Variants in GGNBP2 observed in about 807,000 individuals in gnomAD.
The protein encoded by GGNBP2 is gametogenetin-binding protein 2.
A neutral mutation model predicts 85.9 loss-of-function variants in GGNBP2; 10 were observed. The observed-to-expected ratio is 0.12, with a 90% confidence interval of 0.07 to 0.20. The LOEUF is 0.20. GGNBP2 is among the 10% of genes least tolerant of loss of function. The probability of loss-of-function intolerance (pLI) is 1.00; values close to 1 mark genes in which losing one functional copy is unlikely to be tolerated. For missense variants in GGNBP2, 595 were observed against 857.8 expected (o/e 0.69, Z 3.83); for synonymous variants, 287 against 285.7 (o/e 1.00, Z -0.05).
chr17:36,548,486 G>A (rs932983575), intron 2 of GGNBP2, among the ~76,000 whole-genome samples: 38 of 151,450 alleles, frequency 2.5e-4, no homozygotes, highest in African/African-American at 8.7e-4. Context: ...ATAGTGGTGG[G>A]TGCCTGTAAT....
At chr17:36,567,936 T>G (rs1021608816) in intron 6 of GGNBP2, among the ~76,000 whole-genome samples, 160 bp downstream of exon 6, 4 of 152,124 alleles carry the variant, frequency 2.6e-5, no homozygotes, top group Non-Finnish European at 5.9e-5. Context: ...AGTTCCTTTT[T>G]TTTTTTTTGA....
chr17:36,563,733 T>C (rs1162523796), intron 5 of GGNBP2, among the ~76,000 whole-genome samples: 3 of 151,866 alleles, frequency 2.0e-5, no homozygotes, highest in African/African-American at 7.3e-5. Context: ...TCTTTTTTTT[T>C]TCTTTCTTTC....
rs185739058 is a variant in GGNBP2, at chr17:36,586,621, A to G, written c.1642-376A>G. ...GTATTCCTTCTAAAGGTTTAATACT[A>G]TGTCAGGATTTTTTTGAGATGGAGT... On this transcript the variant is annotated intron_variant, in intron 12 of 13. Transcript: ENST00000613102. 2.4e-5 allele frequency: 6 copies of G among 254,892 alleles called. No homozygotes were observed. In the East Asian group the frequency reaches 5.6e-4, roughly 24 times the overall value. 15.8% of individuals were successfully genotyped at this position (254,892 alleles called of 1,614,324 possible). A position where few individuals can be genotyped will look rare whatever the true frequency, so the allele number is the denominator to read the frequency against.
chr17:36,580,788 G>A lies in GGNBP2; in HGVS notation c.1021-556G>A, dbSNP rs147542765. The stretch of plus-strand genomic sequence containing the variant: ...TACAAAAATCAGCCAGTGTGGTGGC[G>A]CATGCCTGTGGTCTCAGCTACTTGA... On this transcript the variant is annotated intron_variant, in intron 8 of 13. Coordinates refer to ENST00000613102, the MANE Select transcript of GGNBP2 (RefSeq NM_024835.5). Among the ~76,000 whole-genome samples the A allele has an allele frequency of 3.6e-3, 541 of 151,970 alleles. 3 individuals carry two copies. Among genetic ancestry groups the A allele is most frequent in the African/African-American group, 0.012 (511 of 41,482 alleles).
rs531757816 is a variant in GGNBP2, at chr17:36,548,160, C to T, written c.93+2343C>T. Among the ~76,000 whole-genome samples, 25 of 152,274 alleles carry T rather than the reference C, an allele frequency of 1.6e-4. 1 individual carries two copies. In the South Asian group the frequency reaches 5.0e-3, roughly 30 times the overall value. ...GTTTGAACTTATTTCAAATAGTAGT[C>T]TTAGGATTTTGATAGTAGCTAAATG... On this transcript the variant is annotated intron_variant, in intron 2 of 13. Coordinates refer to ENST00000613102, the MANE Select transcript of GGNBP2 (RefSeq NM_024835.5).
intron 13 of GGNBP2, among the ~76,000 whole-genome samples, chr17:36,588,411 C>T (rs1206035723): frequency 6.6e-6 from 1 of 152,056 alleles, no homozygotes; most frequent in Non-Finnish European, 1.5e-5. Context: ...GCTTGTGCCA[C>T]CATGCCTGGC....
At chr17:36,586,347 TGA>T (rs2074701795) in intron 12 of GGNBP2, 149 bp downstream of exon 12, 6 of 940,356 alleles carry the variant, frequency 6.4e-6, no homozygotes, top group Non-Finnish European at 9.2e-6. Context: ...GCTCATCGTG[TGA>T]GAGTGTGGGT....
Position 36,589,180 on chromosome 17 carries a change from T to C in GGNBP2, c.1891-28T>C, listed in dbSNP as rs774895388. 1.4e-4 allele frequency: 217 copies of C among 1,510,776 alleles called. 1 individual carries two copies. Among genetic ancestry groups the C allele is most frequent in the Non-Finnish European group, 1.3e-4 (147 of 1,090,304 alleles). The allele number at this position is 1,510,776 out of a possible 1,614,324, so 93.6% of individuals were successfully genotyped here. ...CATAACATTTTGCATTCTTAAGTCA[T>C]AGTCTTAACTACTGCTTTAATTTGC... On this transcript the variant is annotated intron_variant, in intron 13 of 13. Coordinates refer to ENST00000613102, the MANE Select transcript of GGNBP2 (RefSeq NM_024835.5).
At chr17:36,580,068 T>C (rs1225644592) in intron 8 of GGNBP2, among the ~76,000 whole-genome samples, 1 of 152,094 alleles carries the variant, frequency 6.6e-6, no homozygotes, top group Non-Finnish European at 1.5e-5. Flanking sequence ...AGTGAAAAGT[T>C]AAATGCCCCC....
Position 36,550,229 on chromosome 17 carries a change from C to T in GGNBP2, c.93+4412C>T, listed in dbSNP as rs1003871498. Among the ~76,000 whole-genome samples the T allele has an allele frequency of 3.9e-5, 6 of 152,150 alleles. No homozygotes were observed. The East Asian group carries it at 1.2e-3, about 29-fold the overall frequency. On this transcript the variant is annotated intron_variant, in intron 2 of 13. Coordinates refer to ENST00000613102, the MANE Select transcript of GGNBP2 (RefSeq NM_024835.5). ...GTGGGATTACAGGCGTGAGCCAATG[C>T]GCCCGGCCAGATTGTTACATTTCTG...
intron 2 of GGNBP2, among the ~76,000 whole-genome samples, chr17:36,548,101 C>T (rs761547171): frequency 1.3e-4 from 20 of 152,174 alleles, no homozygotes; most frequent in Non-Finnish European, 2.9e-5. Context: ...GTCTTTGTCC[C>T]TAGGGTCTGT....
At chr17:36,559,587 T>C (rs1392081228) in intron 4 of GGNBP2, among the ~76,000 whole-genome samples, 1 of 152,084 alleles carries the variant, frequency 6.6e-6, no homozygotes, top group Non-Finnish European at 1.5e-5. Context: ...CTTGAGAAAA[T>C]AAGCCTTGGA....
chr17:36,575,648 A>ATATATATATATATTTTTT (rs374366757), intron 6 of GGNBP2, among the ~76,000 whole-genome samples: 1 of 54,912 alleles, frequency 1.8e-5, no homozygotes, highest in African/African-American at 1.1e-4. Flanking sequence ...ATATATATAT[A>ATATATATATATATTTTTT]TTTTTTTTTT....
At chr17:36,583,163 C>T (rs1169501202) in intron 9 of GGNBP2, among the ~76,000 whole-genome samples, 10 of 152,182 alleles carry the variant, frequency 6.6e-5, no homozygotes, top group East Asian at 3.9e-4. Flanking sequence ...AAGCAATTCT[C>T]CTGCCTCAGC....
chr17:36,577,144 C>T (rs867306681), intron 6 of GGNBP2: 1 of 152,148 alleles, frequency 6.6e-6, no homozygotes, highest in African/African-American at 2.4e-5. Flanking sequence ...TAGCCATTTA[C>T]TCTTATTGTG....
intron 2 of GGNBP2, chr17:36,547,812 T>C (rs1396170749): frequency 6.6e-6 from 1 of 152,262 alleles, no homozygotes; most frequent in Admixed American, 6.5e-5. Flanking sequence ...AATGGGTTTT[T>C]ATCACAAAGG....
intron 6 of GGNBP2, among the ~76,000 whole-genome samples, chr17:36,575,647 T>TATATAC (rs2074572632): frequency 1.8e-5 from 1 of 56,062 alleles, no homozygotes; most frequent in African/African-American, 7.3e-5. Context: ...TATATATATA[T>TATATAC]ATTTTTTTTT....
intron 9 of GGNBP2, among the ~76,000 whole-genome samples, chr17:36,584,147 A>T (rs2074677559): frequency 6.6e-6 from 1 of 152,230 alleles, no homozygotes; most frequent in Admixed American, 6.5e-5. Flanking sequence ...TTGAAGTAAC[A>T]GATTGACTTC....
At chr17:36,584,360 C>T (rs1313399264) in intron 9 of GGNBP2, among the ~76,000 whole-genome samples, 2 of 151,512 alleles carry the variant, frequency 1.3e-5, no homozygotes, top group Non-Finnish European at 2.9e-5. Context: ...TTTTTTGAGA[C>T]GGAGTCTCAC....
Sources: gnomAD v4.1 joint callset for allele counts (sites outside exome capture counted in the v4.1 genomes callset) on GRCh38, gnomAD v4.1.1 for gene constraint, MANE v1.5 for transcripts, NCBI Gene and HGNC (gene_info 2026-07-23, HGNC 2026-07-21) for gene names.